PDE1C: variants seen among roughly 807,000 people sequenced by gnomAD.
The protein encoded by PDE1C is phosphodiesterase 1C.
A neutral mutation model predicts 93.1 loss-of-function variants in PDE1C; 62 were observed. That is an observed-to-expected ratio of 0.67 (90% CI 0.54 to 0.82). The LOEUF (loss-of-function observed/expected upper bound fraction) is 0.82. Among genes scored for constraint, PDE1C ranks in the 40% least tolerant of loss-of-function variants. PDE1C has a pLI of 0.00. For synonymous variants in PDE1C, 325 were observed against 310.1 expected (o/e 1.05, Z -0.50); for missense variants, 742 against 884.6 (o/e 0.84, Z 2.04).
chr7:31,710,916 A>G, the PDE1C span, among the ~76,000 whole-genome samples: 49 of 152,342 alleles, frequency 3.2e-4, 1 homozygote, highest in Middle Eastern at 6.8e-3. Flanking sequence ...ACTCTCCACA[A>G]GTAAATGTAT....
intron 16 of PDE1C, 129 bp downstream of exon 16, chr7:31,808,902 T>A: frequency 1.7e-6 from 1 of 574,234 alleles, no homozygotes; most frequent in Non-Finnish European, 3.1e-6. Context: ...CCTTTAAATA[T>A]AGTGAAGGGT....
chr7:32,190,471 G>T (rs944281217), intron 2 of PDE1C, among the ~76,000 whole-genome samples: 1 of 152,196 alleles, frequency 6.6e-6, no homozygotes, highest in African/African-American at 2.4e-5. Flanking sequence ...TTGTTGAAAA[G>T]GAGGCATCAC....
chr7:31,908,728 G>A (rs918889299), intron 2 of PDE1C, among the ~76,000 whole-genome samples: 2 of 152,114 alleles, frequency 1.3e-5, no homozygotes, highest in Admixed American at 1.3e-4. Context: ...GATGGCACTC[G>A]ACTCAAACAT....
chr7:31,909,790 T>C (rs1300188395), intron 2 of PDE1C, among the ~76,000 whole-genome samples: 5 of 152,128 alleles, frequency 3.3e-5, no homozygotes, highest in Admixed American at 6.6e-5. Flanking sequence ...TTTCCCAAGG[T>C]CACAAAATTA....
chr7:31,779,563 T>A (rs1783245966), intron 16 of PDE1C, among the ~76,000 whole-genome samples: 1 of 152,304 alleles, frequency 6.6e-6, no homozygotes, highest in South Asian at 2.1e-4. Context: ...AATGCTGTTA[T>A]TTTCTCTGTT....
At chr7:32,115,454 A>C (rs372468793) in intron 3 of PDE1C, among the ~76,000 whole-genome samples, 2 of 152,188 alleles carry the variant, frequency 1.3e-5, no homozygotes, top group South Asian at 4.2e-4. Context: ...AACAACACAC[A>C]TCAGGGCCTG....
At chr7:32,417,105 G>A (rs1785290517) in intron 1 of PDE1C, among the ~76,000 whole-genome samples, 1 of 152,056 alleles carries the variant, frequency 6.6e-6, no homozygotes, top group African/African-American at 2.4e-5. Context: ...TGCTCAAAAG[G>A]ACCAAAGCTG....
At chr7:32,289,072 A>G (rs1397524767) in intron 1 of PDE1C, among the ~76,000 whole-genome samples, 11 of 152,174 alleles carry the variant, frequency 7.2e-5, no homozygotes. Context: ...TATTATTCCT[A>G]CTTTACAAAA....
At chr7:31,761,562 G>T (rs766911409) in intron 17 of PDE1C, among the ~76,000 whole-genome samples, 38 of 152,164 alleles carry the variant, frequency 2.5e-4, no homozygotes, top group Non-Finnish European at 1.5e-4. Context: ...CTCTAGGCCA[G>T]TGGAGTCTAG....
At chr7:31,744,813 C>A in the PDE1C span, among the ~76,000 whole-genome samples, 2 of 152,196 alleles carry the variant, frequency 1.3e-5, no homozygotes, top group South Asian at 2.1e-4. Flanking sequence ...TTCCAAAATT[C>A]GGGAAACTGC....
At chr7:32,098,632 C>A (rs571515664) in intron 3 of PDE1C, among the ~76,000 whole-genome samples, 75 of 152,296 alleles carry the variant, frequency 4.9e-4, no homozygotes, top group African/African-American at 1.8e-3. Flanking sequence ...ACTCTTTTTA[C>A]TTTATTACGT....
At position 32,066,969 on chromosome 7, in the gene PDE1C, G is replaced by A. The variant is rs751859113; in HGVS notation, c.101+3324C>T. Among the ~76,000 whole-genome samples, 14 of 152,318 alleles carry A rather than the reference G, an allele frequency of 9.2e-5. 1 individual carries two copies. The highest frequency in any genetic ancestry group is 6.8e-3 in the Middle Eastern group (2 of 294). On this transcript the variant is annotated intron_variant, in intron 1 of 17. Coordinates refer to ENST00000396191, the MANE Select transcript of PDE1C (RefSeq NM_001191057.4). ...CACTTAGAGAAATGGGAGCATGTGC[G>A]TAAGCAGCATCAGGGCCACAGAGCA...
chr7:32,336,597 T>C (rs530930790), intron 1 of PDE1C, among the ~76,000 whole-genome samples: 1 of 152,154 alleles, frequency 6.6e-6, no homozygotes, highest in African/African-American at 2.4e-5. Context: ...TATACCTCTG[T>C]GAAGGAAAAA....
chr7:32,014,624 C>T (rs779230278), intron 2 of PDE1C, among the ~76,000 whole-genome samples: 7 of 152,218 alleles, frequency 4.6e-5, no homozygotes, highest in Admixed American at 3.9e-4. Flanking sequence ...CTCCACCTTC[C>T]GACAGGCCCC....
At chr7:31,995,751 C>A (rs757261272) in intron 2 of PDE1C, among the ~76,000 whole-genome samples, 4 of 152,078 alleles carry the variant, frequency 2.6e-5, no homozygotes, top group Non-Finnish European at 5.9e-5. Flanking sequence ...GACGGGCCAA[C>A]TGGTCTCCTA....
At chr7:32,315,737 T>C (rs1215900260) in intron 1 of PDE1C, among the ~76,000 whole-genome samples, 1 of 152,226 alleles carries the variant, frequency 6.6e-6, no homozygotes, top group African/African-American at 2.4e-5. Flanking sequence ...GGCTCACGCC[T>C]GTAATCCCAG....
rs144835749 is a variant in PDE1C, at chr7:32,321,345, T to C, written c.310+106477A>G. Among the ~76,000 whole-genome samples the C allele has an allele frequency of 3.1e-3, 467 of 152,286 alleles. 3 individuals carry two copies. Among genetic ancestry groups the C allele is most frequent in the African/African-American group, 0.01 (425 of 41,562 alleles). ...ATGAAAGGCAAAATGACAATAAATG[T>C]AGGAGGAGAAGAATCAAGGGGTTGG... is the stretch of plus-strand genomic sequence containing the variant. On this transcript the variant is annotated intron_variant, in intron 1 of 1. Coordinates refer to the PDE1C transcript ENST00000672256.
the PDE1C span, among the ~76,000 whole-genome samples, chr7:31,669,801 C>T: frequency 1.3e-5 from 2 of 152,104 alleles, no homozygotes; most frequent in African/African-American, 4.8e-5. Flanking sequence ...GGGCACTTTC[C>T]CCATGGCTAA....
chr7:31,889,896 G>T (rs1239605876), intron 2 of PDE1C, among the ~76,000 whole-genome samples: 1 of 152,114 alleles, frequency 6.6e-6, no homozygotes, highest in African/African-American at 2.4e-5. Flanking sequence ...AGTCATTCTT[G>T]GCCTTATAAA....
Sources: gnomAD v4.1 joint callset for allele counts (sites outside exome capture counted in the v4.1 genomes callset) on GRCh38, gnomAD v4.1.1 for gene constraint, MANE v1.5 for transcripts, NCBI Gene and HGNC (gene_info 2026-07-23, HGNC 2026-07-21) for gene names.